PTPRR: variants seen among roughly 807,000 people sequenced by gnomAD.
PTPRR encodes receptor-type tyrosine-protein phosphatase R.
PTPRR carries 38 observed loss-of-function variants against 77.2 expected under a neutral mutation model. The observed-to-expected ratio is 0.49, with a 90% confidence interval of 0.38 to 0.65. The LOEUF is 0.65. Ranked by LOEUF, PTPRR falls within the 30% of genes least tolerant of loss-of-function variation. The pLI is 0.00. For missense variants in PTPRR, 744 were observed against 799.2 expected, an observed-to-expected ratio of 0.93 and a Z score of 0.83; for synonymous variants, 299 against 283.1, an observed-to-expected ratio of 1.06 and a Z score of -0.57.
chr12:70,769,536 C>T (rs534671597), intron 2 of PTPRR, among the ~76,000 whole-genome samples: 1 of 152,284 alleles, frequency 6.6e-6, no homozygotes, highest in Non-Finnish European at 1.5e-5. Flanking sequence ...GAAGAACATT[C>T]CATGCTCATG....
intron 2 of PTPRR, among the ~76,000 whole-genome samples, chr12:70,819,799 T>C (rs1006314313): frequency 2.0e-5 from 3 of 152,216 alleles, no homozygotes; most frequent in African/African-American, 7.2e-5. Context: ...CAAACTTATT[T>C]GTACAATGGC....
rs573508103 is a variant in PTPRR, at chr12:70,702,398, C to A, written c.1008-1075G>T. Among the ~76,000 whole-genome samples, 106 of 151,972 alleles carry A rather than the reference C, an allele frequency of 7.0e-4. 1 individual carries two copies. The highest frequency in any genetic ancestry group is 2.3e-3 in the African/African-American group (95 of 41,430). The stretch of plus-strand genomic sequence containing the variant: ...ATCAAATATAGTGCCAAGCAGTTGG[C>A]GGCTCAAGGAAGTAGAGAGCAGGGA... On this transcript the variant is annotated intron_variant, in intron 6 of 13. Transcript: ENST00000283228.
At chr12:70,787,052 G>C (rs539788122) in intron 2 of PTPRR, among the ~76,000 whole-genome samples, 4 of 152,280 alleles carry the variant, frequency 2.6e-5, no homozygotes, top group African/African-American at 7.2e-5. Context: ...TTAGCACCTT[G>C]AGAACTGTCT....
intron 2 of PTPRR, among the ~76,000 whole-genome samples, chr12:70,812,827 CACAG>C (rs1336939132): frequency 6.6e-6 from 1 of 152,144 alleles, no homozygotes; most frequent in Admixed American, 6.5e-5. Flanking sequence ...TTTCATAAAT[CACAG>C]ACAGATTAAA....
chr12:70,919,218 C>T (rs1199746311), intron 1 of PTPRR, among the ~76,000 whole-genome samples: 1 of 152,150 alleles, frequency 6.6e-6, no homozygotes. Context: ...TATTTTTACT[C>T]ATTACCCCTA....
At chr12:70,733,783 C>A (rs936046726) in intron 6 of PTPRR, among the ~76,000 whole-genome samples, 3 of 152,098 alleles carry the variant, frequency 2.0e-5, no homozygotes, top group East Asian at 1.9e-4. Context: ...ACAGAAAAAA[C>A]CCACATCAGT....
intron 10 of PTPRR, among the ~76,000 whole-genome samples, chr12:70,675,524 C>T (rs762249805): frequency 5.9e-5 from 9 of 151,862 alleles, no homozygotes; most frequent in African/African-American, 1.9e-4. Flanking sequence ...TTTCTCTTTT[C>T]GTGAATAACA....
At chr12:70,791,685 T>C (rs1476920838) in intron 2 of PTPRR, among the ~76,000 whole-genome samples, 1 of 152,132 alleles carries the variant, frequency 6.6e-6, no homozygotes, top group African/African-American at 2.4e-5. Context: ...TAATATTAGG[T>C]AAAATAAACA....
intron 2 of PTPRR, among the ~76,000 whole-genome samples, chr12:70,777,608 C>T (rs558581938): frequency 2.0e-5 from 3 of 152,140 alleles, no homozygotes; most frequent in Non-Finnish European, 2.9e-5. Flanking sequence ...ACCCAGAATT[C>T]TCCATGATCA....
At chr12:70,759,117 G>A (rs1273808928) in intron 4 of PTPRR, among the ~76,000 whole-genome samples, 1 of 152,020 alleles carries the variant, frequency 6.6e-6, no homozygotes, top group Non-Finnish European at 1.5e-5. Context: ...AACTTTTTTT[G>A]TAAAGTCAGA....
At chr12:70,754,129 T>C (rs956187119) in intron 5 of PTPRR, 62 bp downstream of exon 5, 1 of 1,442,234 alleles carries the variant, frequency 6.9e-7, no homozygotes, top group African/African-American at 1.4e-5. Flanking sequence ...AATGGCAATG[T>C]ACCCACTAAT....
chr12:70,750,489 C>G (rs1015981571), intron 5 of PTPRR, among the ~76,000 whole-genome samples: 5 of 152,120 alleles, frequency 3.3e-5, no homozygotes, highest in Non-Finnish European at 7.3e-5. Flanking sequence ...CTGAGAAATG[C>G]ACGTGAAACA....
intron 2 of PTPRR, among the ~76,000 whole-genome samples, chr12:70,780,858 G>A (rs1405079334): frequency 1.3e-5 from 2 of 152,132 alleles, no homozygotes. Flanking sequence ...TAAGATAGTG[G>A]GGCATGTGCA....
At chr12:70,843,620 T>A (rs1892433065) in intron 2 of PTPRR, among the ~76,000 whole-genome samples, 1 of 152,172 alleles carries the variant, frequency 6.6e-6, no homozygotes, top group South Asian at 2.1e-4. Flanking sequence ...CGAGTAGTTG[T>A]CTGTTTACTA....
chr12:70,881,799 GTGTT>G (rs1242280504), intron 2 of PTPRR, among the ~76,000 whole-genome samples: 1 of 152,154 alleles, frequency 6.6e-6, no homozygotes, highest in East Asian at 1.9e-4. Flanking sequence ...GACAACATGC[GTGTT>G]TGTATTTCTG....
Position 70,670,298 on chromosome 12 carries a change from C to T in PTPRR, c.1498-7693G>A, listed in dbSNP as rs570304709. Among the ~76,000 whole-genome samples, 125 of 152,252 alleles carry T rather than the reference C, an allele frequency of 8.2e-4. 2 individuals carry two copies. The South Asian group carries it at 8.7e-3, about 11-fold the overall frequency. On this transcript the variant is annotated intron_variant, in intron 10 of 13. Coordinates refer to ENST00000283228, the MANE Select transcript of PTPRR (RefSeq NM_002849.4). ...GGACCAAAAGTGGGTTGCTTGCCTTCTAATGTCTTAATTCTTTATTTGGCT... is the reference window on the plus strand; with the variant it reads ...GGACCAAAAGTGGGTTGCTTGCCTTTTAATGTCTTAATTCTTTATTTGGCT...
At chr12:70,719,772 A>G (rs1225895191) in intron 6 of PTPRR, among the ~76,000 whole-genome samples, 1 of 152,198 alleles carries the variant, frequency 6.6e-6, no homozygotes, top group East Asian at 1.9e-4. Context: ...GATGCCATTA[A>G]CAGACCTCTG....
intron 6 of PTPRR, among the ~76,000 whole-genome samples, chr12:70,706,400 C>T (rs1490739821): frequency 3.3e-5 from 5 of 151,856 alleles, no homozygotes; most frequent in Non-Finnish European, 7.4e-5. Flanking sequence ...AATAAAATTT[C>T]CCAAAGGAAA....
Position 70,746,094 on chromosome 12 carries a change from A to G in PTPRR, c.739-8T>C, listed in dbSNP as rs758668460. 1 of 1,603,448 alleles carries G rather than the reference A, an allele frequency of 6.2e-7. No individual in the cohort carries two copies. Among genetic ancestry groups the G allele is most frequent in the Non-Finnish European group, 8.5e-7 (1 of 1,174,476 alleles). On this transcript the variant is annotated splice_polypyrimidine_tract_variant and splice_region_variant and intron_variant, in intron 5 of 13. Transcript: ENST00000283228. ...TTTTAATCTGTAAAGAATCTATAGAAGGAGATATAAAAAACTCCTGTCACA... is the reference window on the plus strand; with the variant it reads ...TTTTAATCTGTAAAGAATCTATAGAGGGAGATATAAAAAACTCCTGTCACA...
Sources: gnomAD v4.1 joint callset for allele counts (sites outside exome capture counted in the v4.1 genomes callset) on GRCh38, gnomAD v4.1.1 for gene constraint, MANE v1.5 for transcripts, NCBI Gene and HGNC (gene_info 2026-07-23, HGNC 2026-07-21) for gene names.